Variants in LYRM1 observed in about 807,000 individuals in gnomAD.
LYRM1 encodes LYR motif containing 1, also known as LYR motif-containing protein 1.
In LYRM1, 14 loss-of-function variants were observed where a neutral mutation model predicts 14.9. That is an observed-to-expected ratio of 0.94 (90% CI 0.62 to 1.47). The LOEUF (loss-of-function observed/expected upper bound fraction) is 1.47. Among genes scored for constraint, LYRM1 ranks in the 40% most tolerant of loss-of-function variants. The pLI is 0.00. For synonymous variants in LYRM1, 43 were observed against 56.2 expected (o/e 0.77, Z 1.05); for missense variants, 153 against 149.9 (o/e 1.02, Z -0.11).
intron 2 of LYRM1, 21 bp downstream of exon 2, chr16:20,915,735 G>A: frequency 6.2e-7 from 1 of 1,611,968 alleles, no homozygotes; most frequent in South Asian, 1.1e-5. Context: ...CCCACTTGGA[G>A]ATTGTGCAGA....
chr16:20,914,582 G>A (rs1431441383), intron 1 of LYRM1, among the ~76,000 whole-genome samples: 2 of 151,900 alleles, frequency 1.3e-5, no homozygotes, highest in Non-Finnish European at 2.9e-5. Flanking sequence ...GATTACAGGC[G>A]TGAGCCACCA....
intron 1 of LYRM1, among the ~76,000 whole-genome samples, chr16:20,903,239 A>C (rs1262143885): frequency 6.6e-6 from 1 of 152,202 alleles, no homozygotes; most frequent in Non-Finnish European, 1.5e-5. Context: ...CATTTGAAAA[A>C]TCCGACAATC....
chr16:20,903,002 TAAG>T (rs1240137226), intron 1 of LYRM1, among the ~76,000 whole-genome samples: 2 of 152,138 alleles, frequency 1.3e-5, no homozygotes, highest in Non-Finnish European at 2.9e-5. Flanking sequence ...AGAAGATGAA[TAAG>T]AAGGCCTGGG....
At chr16:20,913,095 A>ATAAT (rs1464691567) in intron 1 of LYRM1, among the ~76,000 whole-genome samples, 1 of 149,882 alleles carries the variant, frequency 6.7e-6, no homozygotes, top group Non-Finnish European at 1.5e-5. Context: ...AATAATAATA[A>ATAAT]TAATTAAATA....
In LYRM1 at chr16:20,901,799, T is replaced by G. The variant is rs2082072254; in HGVS notation, c.-1+910T>G. On this transcript the variant is annotated intron_variant, in intron 1 of 3. Coordinates refer to ENST00000567954, the MANE Select transcript of LYRM1 (RefSeq NM_001128302.3). This position sits in a 1 kb window ranked among gnomAD's most constrained non-coding sequence, Gnocchi z 4.6. ...GTAGTTAGACCTGTTAGGAGACTGT[T>G]GCACTGTAAGACAAAGGAGAGGTGA... Among the ~76,000 whole-genome samples, 1 of 149,662 alleles carries G rather than the reference T, an allele frequency of 6.7e-6. No homozygotes were observed. The highest frequency in any genetic ancestry group is 2.6e-5 in the African/African-American group (1 of 39,062).
rs1174111280 is a variant in LYRM1 at position 20,901,776 on chromosome 16, A to T, written c.-1+887A>T. Reference sequence around the variant, plus strand: ...CTGCTGGATAGAGAAGGGTGGAAGTAGTTAGACCTGTTAGGAGACTGTTGC... The same window carrying T: ...CTGCTGGATAGAGAAGGGTGGAAGTTGTTAGACCTGTTAGGAGACTGTTGC... On this transcript the variant is annotated intron_variant, in intron 1 of 3. Coordinates refer to ENST00000567954, the MANE Select transcript of LYRM1 (RefSeq NM_001128302.3). The surrounding 1 kb of genome is among the most constrained non-coding windows in gnomAD (Gnocchi z 4.6). Among the ~76,000 whole-genome samples, 1 of 152,208 alleles carries T rather than the reference A, an allele frequency of 6.6e-6. No individual in the cohort carries two copies. The highest frequency in any genetic ancestry group is 1.5e-5 in the Non-Finnish European group (1 of 68,042).
At chr16:20,911,343 C>A (rs1467489559) in intron 1 of LYRM1, 2 of 152,108 alleles carry the variant, frequency 1.3e-5, no homozygotes, top group African/African-American at 4.8e-5. Flanking sequence ...GGTAAACGTG[C>A]CCACTTCCAG....
At chr16:20,923,269 G>A (rs1284608045) in intron 3 of LYRM1, among the ~76,000 whole-genome samples, 1 of 152,094 alleles carries the variant, frequency 6.6e-6, no homozygotes, top group African/African-American at 2.4e-5. Flanking sequence ...GGAGGCCAAG[G>A]CAGGTGGATC....
chr16:20,900,571 G>A (rs1279980547), upstream of LYRM1: 1 of 152,370 alleles, frequency 6.6e-6, no homozygotes, highest in Non-Finnish European at 1.5e-5. Flanking sequence ...GAGGGAGCTG[G>A]GCTGGACCAT....
At chr16:20,914,301 T>G (rs963526368) in intron 1 of LYRM1, among the ~76,000 whole-genome samples, 5 of 85,616 alleles carry the variant, frequency 5.8e-5, no homozygotes, top group Non-Finnish European at 1.1e-4. Flanking sequence ...TTTTTTTTTC[T>G]TTTTGGAGAC....
At chr16:20,900,558 C>G (rs910668584), upstream of LYRM1, 1 of 152,208 alleles carries the variant, frequency 6.6e-6, no homozygotes, top group Non-Finnish European at 1.5e-5. Flanking sequence ...ACCTAGCAAC[C>G]CGGAGGGAGC....
At chr16:20,908,207 CATAATT>C (rs963653725) in intron 1 of LYRM1, among the ~76,000 whole-genome samples, 7 of 152,238 alleles carry the variant, frequency 4.6e-5, no homozygotes, top group Admixed American at 3.9e-4. Context: ...TGGTGTGTAA[CATAATT>C]AAAAAGGGCG....
intron 1 of LYRM1, among the ~76,000 whole-genome samples, chr16:20,908,161 C>T (rs1203114779): frequency 2.0e-5 from 3 of 152,122 alleles, no homozygotes; most frequent in African/African-American, 4.8e-5. Flanking sequence ...AAGAGCAAAG[C>T]GGTGCAGCCA....
intron 1 of LYRM1, 64 bp from the exon 2 acceptor site, chr16:20,915,491 TG>T (rs1442741354): frequency 1.2e-5 from 15 of 1,242,270 alleles, no homozygotes; most frequent in Non-Finnish European, 1.7e-5. Flanking sequence ...TACATCTGCC[TG>T]GTGCCTCCTG....
chr16:20,916,497 TCTGA>T (rs1176884341), intron 2 of LYRM1, among the ~76,000 whole-genome samples: 4 of 152,332 alleles, frequency 2.6e-5, no homozygotes, highest in East Asian at 3.9e-4. Context: ...CTCTCTGACC[TCTGA>T]CTGTCTCTCT....
Position 20,920,042 on chromosome 16 carries a change from A to T in LYRM1, c.160-80A>T, listed in dbSNP as rs1442429312. On this transcript the variant is annotated intron_variant, in intron 2 of 3. Transcript: ENST00000567954. Reference sequence around the variant, plus strand: ...CATTTACTGGCTAGTGAACTAAAAAAGTTTGAGAAAATGTATACCTATACT... The same window carrying T: ...CATTTACTGGCTAGTGAACTAAAAATGTTTGAGAAAATGTATACCTATACT... 9.4e-6 allele frequency: 8 copies of T among 850,894 alleles called. No homozygotes were observed. In the East Asian group the frequency reaches 2.0e-4, roughly 21 times the overall value. The allele number at this position is 850,894 out of a possible 1,614,324, so 52.7% of individuals were successfully genotyped here. A position where few individuals can be genotyped will look rare whatever the true frequency, so the allele number is the denominator to read the frequency against.
rs2082306392 is a variant in LYRM1, at chr16:20,906,100, G to T, written c.-1+5211G>T. Among the ~76,000 whole-genome samples the T allele has an allele frequency of 1.3e-5, 2 of 152,096 alleles. 1 individual carries two copies. The highest frequency in any genetic ancestry group is 4.1e-4 in the South Asian group (2 of 4,828). On this transcript the variant is annotated intron_variant, in intron 1 of 3. Coordinates refer to ENST00000567954, the MANE Select transcript of LYRM1 (RefSeq NM_001128302.3). ...CTGCTCTCCCCACCTCCTACTCCCT[G>T]CAACACACACATGGTGGAAAAAGAA...
chr16:20,911,790 G>GTCTCTTTATA (rs1314496262), intron 1 of LYRM1, among the ~76,000 whole-genome samples: 10 of 152,180 alleles, frequency 6.6e-5, no homozygotes, highest in Non-Finnish European at 1.2e-4. Flanking sequence ...TAGAGATAGG[G>GTCTCTTTATA]TCTCTTTATA....
rs143502201 is a variant in LYRM1, at chr16:20,924,609, C to T, written c.*493C>T. The T allele has an allele frequency of 6.6e-6, 1 of 152,044 alleles. No homozygotes were observed. The highest frequency in any genetic ancestry group is 1.9e-4 in the East Asian group (1 of 5,166). 9.4% of individuals were successfully genotyped at this position (152,044 alleles called of 1,614,324 possible). A position where few individuals can be genotyped will look rare whatever the true frequency, so the allele number is the denominator to read the frequency against. On this transcript the variant is annotated 3_prime_UTR_variant, in exon 4 of 4. Transcript: ENST00000567954. ...TCTTTTGACCCTTCCAGTTTCCAGA[C>T]AAACTTGTCTTAAAAAGTGCATCAT...
Sources: gnomAD v4.1 joint callset for allele counts (sites outside exome capture counted in the v4.1 genomes callset) on GRCh38, gnomAD v4.1.1 for gene constraint, Gnocchi (gnomAD v3.1) non-coding constraint, MANE v1.5 for transcripts, NCBI Gene and HGNC (gene_info 2026-07-23, HGNC 2026-07-21) for gene names.